Variants in ADGRL3 observed in about 807,000 individuals in gnomAD.
ADGRL3 encodes adhesion G protein-coupled receptor L3, also known as calcium-independent alpha-latrotoxin receptor 3.
In ADGRL3, 62 loss-of-function variants were observed where a neutral mutation model predicts 153.5. That is an observed-to-expected ratio of 0.40 (90% confidence interval 0.33 to 0.50). The LOEUF (loss-of-function observed/expected upper bound fraction) is 0.50. Among genes scored for constraint, ADGRL3 ranks in the 20% least tolerant of loss-of-function variants. The probability of loss-of-function intolerance (pLI) is 0.47; values close to 1 mark genes in which losing one functional copy is unlikely to be tolerated. For missense variants in ADGRL3, 1,641 were observed against 1,859.4 expected (o/e 0.88, Z 2.16); for synonymous variants, 710 against 672.5 (o/e 1.06, Z -0.86).
At chr4:61,887,526 T>A (rs1412870798) in intron 9 of ADGRL3, among the ~76,000 whole-genome samples, 1 of 152,102 alleles carries the variant, frequency 6.6e-6, no homozygotes, top group Admixed American at 6.6e-5. Context: ...TTGGTCTGAA[T>A]TAAATGAGAT....
At chr4:61,310,460 G>A (rs993793776) in intron 1 of ADGRL3, among the ~76,000 whole-genome samples, 3 of 152,042 alleles carry the variant, frequency 2.0e-5, no homozygotes, top group Non-Finnish European at 4.4e-5. Context: ...GATTTTCCAT[G>A]TTTTGCCAAG....
intron 6 of ADGRL3, among the ~76,000 whole-genome samples, chr4:61,726,068 G>A (rs1019213533): frequency 1.3e-5 from 2 of 152,002 alleles, no homozygotes; most frequent in Non-Finnish European, 2.9e-5. Flanking sequence ...AAATTCTTGG[G>A]ATCAGAAATG....
At chr4:61,874,150 C>G (rs1329863295) in intron 9 of ADGRL3, among the ~76,000 whole-genome samples, 2 of 152,160 alleles carry the variant, frequency 1.3e-5, no homozygotes, top group Non-Finnish European at 2.9e-5. Context: ...AGGTACAGCA[C>G]AATCCTAGTG....
intron 1 of ADGRL3, among the ~76,000 whole-genome samples, chr4:61,281,090 A>C (rs537293097): frequency 8.5e-5 from 13 of 152,210 alleles, no homozygotes; most frequent in African/African-American, 2.9e-4. Context: ...GGTATTTATC[A>C]TATATATACA....
At chr4:61,728,481 T>A (rs2096385820) in intron 6 of ADGRL3, among the ~76,000 whole-genome samples, 1 of 152,078 alleles carries the variant, frequency 6.6e-6, no homozygotes, top group South Asian at 2.1e-4. Context: ...TGCCAATACT[T>A]TTTTGTTACA....
At position 61,592,073 on chromosome 4, in the gene ADGRL3, C is replaced by CAAAA. The variant is rs34116654; in HGVS notation, c.473+4648_473+4651dup. 1.5e-3 allele frequency among the ~76,000 whole-genome samples: 187 copies of CAAAA among 123,642 alleles called. 1 individual carries two copies. The highest frequency in any genetic ancestry group is 5.1e-3 in the African/African-American group (176 of 34,176). The allele number at this position is 123,642 out of a possible 152,430, so 81.1% of individuals were successfully genotyped here. A position where few individuals can be genotyped will look rare whatever the true frequency, so the allele number is the denominator to read the frequency against. On this transcript the variant is annotated intron_variant, in intron 5 of 26. Transcript: ENST00000683033. Reference sequence around the variant, plus strand: ...CCTGGGTGACAGAATGAAACTGCTTCAAAAAAAAAAAAAAAAAATAGAGAA... The same window carrying CAAAA: ...CCTGGGTGACAGAATGAAACTGCTTCAAAAAAAAAAAAAAAAAAAAAATAGAGAA...
chr4:62,005,804 TATTTTA>T (rs1039058083), intron 21 of ADGRL3, among the ~76,000 whole-genome samples: 7 of 151,306 alleles, frequency 4.6e-5, no homozygotes, highest in African/African-American at 1.2e-4. Context: ...GTTATTCACA[TATTTTA>T]ATTTTAATTT....
intron 1 of ADGRL3, among the ~76,000 whole-genome samples, chr4:61,291,629 A>G (rs557627322): frequency 2.1e-5 from 3 of 143,190 alleles, no homozygotes; most frequent in Non-Finnish European, 4.5e-5. Flanking sequence ...TATATATAAA[A>G]TATTTATTTA....
chr4:61,443,976 T>A (rs982137817), intron 2 of ADGRL3, among the ~76,000 whole-genome samples: 2 of 151,676 alleles, frequency 1.3e-5, no homozygotes, highest in Admixed American at 1.3e-4. Context: ...GTAGTATCAG[T>A]GTGTGCCTGA....
chr4:61,792,492 T>A (rs965720775), intron 8 of ADGRL3, among the ~76,000 whole-genome samples: 3 of 107,240 alleles, frequency 2.8e-5, no homozygotes, highest in Admixed American at 9.9e-5. Context: ...TTATTTATTT[T>A]ATTATTTTTT....
intron 5 of ADGRL3, among the ~76,000 whole-genome samples, chr4:61,650,230 A>G (rs2094195534): frequency 6.6e-6 from 1 of 152,178 alleles, no homozygotes; most frequent in Admixed American, 6.5e-5. Flanking sequence ...TTTTGTAAAA[A>G]TACCATTTTT....
chr4:61,541,731 G>A (rs1050137512), intron 4 of ADGRL3, among the ~76,000 whole-genome samples: 2 of 151,960 alleles, frequency 1.3e-5, no homozygotes, highest in African/African-American at 4.8e-5. Flanking sequence ...TTCCCTTGTG[G>A]CTCTATGTGT....
At chr4:61,294,565 C>T (rs1042679682) in intron 1 of ADGRL3, among the ~76,000 whole-genome samples, 5 of 152,010 alleles carry the variant, frequency 3.3e-5, no homozygotes, top group African/African-American at 7.2e-5. Flanking sequence ...TTGGATGCAT[C>T]GTGGTAATTG....
At chr4:61,738,528 A>T (rs1241020322) in intron 8 of ADGRL3, among the ~76,000 whole-genome samples, 1 of 152,132 alleles carries the variant, frequency 6.6e-6, no homozygotes, top group Non-Finnish European at 1.5e-5. Context: ...ACTAGTTTAC[A>T]TTCTACAAGT....
chr4:61,873,755 C>T (rs2098458735), intron 9 of ADGRL3, among the ~76,000 whole-genome samples: 1 of 152,004 alleles, frequency 6.6e-6, no homozygotes, highest in Admixed American at 6.6e-5. Context: ...GTTTCTCAAA[C>T]ATGGGTGATT....
intron 1 of ADGRL3, among the ~76,000 whole-genome samples, chr4:61,327,096 A>G (rs562786266): frequency 1.3e-5 from 2 of 152,156 alleles, no homozygotes; most frequent in South Asian, 4.1e-4. Flanking sequence ...CACACAAGGC[A>G]GAGATACTTT....
At chr4:61,254,056 T>A in intron 1 of ADGRL3, among the ~76,000 whole-genome samples, 1 of 152,186 alleles carries the variant, frequency 6.6e-6, no homozygotes, top group East Asian at 1.9e-4. Flanking sequence ...TTATCAATAA[T>A]CAGTAGTTGA....
intron 1 of ADGRL3, among the ~76,000 whole-genome samples, chr4:61,372,830 C>T (rs946271000): frequency 1.1e-4 from 17 of 152,158 alleles, no homozygotes; most frequent in East Asian, 9.7e-4. Context: ...CCCCCAGTCT[C>T]GCTGCCGCCT....
intron 5 of ADGRL3, among the ~76,000 whole-genome samples, chr4:61,646,134 A>G (rs1280654008): frequency 3.3e-5 from 5 of 152,056 alleles, no homozygotes; most frequent in Non-Finnish European, 7.4e-5. Context: ...TTTCAGCTCC[A>G]TCAGCTCCTT....
Sources: allele counts gnomAD v4.1 joint callset (sites outside exome capture counted in the v4.1 genomes callset), GRCh38; gene constraint gnomAD v4.1.1; transcripts MANE v1.5; gene names NCBI Gene and HGNC (gene_info 2026-07-23, HGNC 2026-07-21).